UST: variants seen among roughly 807,000 people sequenced by gnomAD.
UST encodes uronyl 2-sulfotransferase.
A neutral mutation model predicts 45.6 loss-of-function variants in UST; 21 were observed. That is an observed-to-expected ratio of 0.46 (90% CI 0.33 to 0.66). UST has a LOEUF of 0.66. UST is among the 30% of genes least tolerant of loss of function. UST has a pLI of 0.02. For synonymous variants in UST, 215 were observed against 200.6 expected, an observed-to-expected ratio of 1.07 and a Z score of -0.61; for missense variants, 463 against 512.4, an observed-to-expected ratio of 0.90 and a Z score of 0.93.
At chr6:149,031,645 T>C (rs1776145227) in intron 7 of UST, among the ~76,000 whole-genome samples, 1 of 152,240 alleles carries the variant, frequency 6.6e-6, no homozygotes, top group African/African-American at 2.4e-5. Flanking sequence ...TTCACAGACA[T>C]TGATGTTCTA....
intron 3 of UST, among the ~76,000 whole-genome samples, chr6:148,943,258 A>C (rs1219881956): frequency 1.3e-5 from 2 of 152,238 alleles, no homozygotes; most frequent in Admixed American, 6.5e-5. Flanking sequence ...TGCCTCATAA[A>C]ACACAGTTGC....
In UST at chr6:149,057,878, G is replaced by A. The variant is rs768237002; in HGVS notation, c.938-15955G>A. ...AGTAATAACTGTGGCTTGATTAAAAGTTATTTTATATTCTTGTTTTCCTAA... is the reference window on the plus strand; with the variant it reads ...AGTAATAACTGTGGCTTGATTAAAAATTATTTTATATTCTTGTTTTCCTAA... On this transcript the variant is annotated intron_variant, in intron 7 of 7. Coordinates refer to ENST00000367463, the MANE Select transcript of UST (RefSeq NM_005715.3). Among the ~76,000 whole-genome samples, 5 of 152,200 alleles carry A rather than the reference G, an allele frequency of 3.3e-5. No homozygotes were observed. The East Asian group carries it at 9.6e-4, about 29-fold the overall frequency.
At chr6:148,779,743 G>A (rs556923629) in intron 1 of UST, among the ~76,000 whole-genome samples, 4 of 152,276 alleles carry the variant, frequency 2.6e-5, no homozygotes, top group South Asian at 4.2e-4. Context: ...TAAGTTTACA[G>A]AATAGTGAAT....
rs56681446 is a variant in UST at position 149,011,295 on chromosome 6, T to C, written c.682-7844T>C. On this transcript the variant is annotated intron_variant, in intron 5 of 7. Transcript: ENST00000367463. The stretch of plus-strand genomic sequence containing the variant: ...GAACTCATGGAGATAGAGTAGAAGA[T>C]TGGTTGCCAGAGACTGGAAAGGGTA... 0.011 allele frequency among the ~76,000 whole-genome samples: 1,633 copies of C among 152,064 alleles called. 83 individuals carry two copies. In the East Asian group the frequency reaches 0.13, roughly 12 times the overall value.
At chr6:148,802,371 G>A (rs1777071021) in intron 1 of UST, among the ~76,000 whole-genome samples, 2 of 152,156 alleles carry the variant, frequency 1.3e-5, no homozygotes. Context: ...CCATATTTTT[G>A]AAATTATCTT....
intron 2 of UST, among the ~76,000 whole-genome samples, chr6:148,906,295 A>C (rs891639909): frequency 3.3e-5 from 5 of 152,150 alleles, no homozygotes; most frequent in Non-Finnish European, 7.3e-5. Flanking sequence ...TATACCAGTG[A>C]AGTGGTATGT....
At chr6:149,071,592 G>C (rs927923667) in intron 7 of UST, among the ~76,000 whole-genome samples, 6 of 151,922 alleles carry the variant, frequency 3.9e-5, no homozygotes, top group Middle Eastern at 3.4e-3. Flanking sequence ...GACACCAAAA[G>C]TCAGGCAATA....
At chr6:148,933,188 T>C (rs1779955292) in intron 2 of UST, among the ~76,000 whole-genome samples, 1 of 152,228 alleles carries the variant, frequency 6.6e-6, no homozygotes, top group Non-Finnish European at 1.5e-5. Context: ...GATTTTCTTA[T>C]AGTTTTAAGA....
intron 1 of UST, among the ~76,000 whole-genome samples, chr6:148,853,443 A>C (rs1778144933): frequency 2.0e-5 from 3 of 152,188 alleles, no homozygotes; most frequent in African/African-American, 7.2e-5. Context: ...TATCTTTATA[A>C]TAGAATGACT....
chr6:148,931,217 T>C (rs1489838868), intron 2 of UST, among the ~76,000 whole-genome samples: 2 of 152,262 alleles, frequency 1.3e-5, no homozygotes, highest in Non-Finnish European at 2.9e-5. Flanking sequence ...TTCTCCTCTA[T>C]TTGTATAATA....
intron 1 of UST, among the ~76,000 whole-genome samples, chr6:148,779,536 CTG>C (rs1776598842): frequency 6.6e-6 from 1 of 152,196 alleles, no homozygotes; most frequent in Admixed American, 6.5e-5. Flanking sequence ...GGTCCTGCCT[CTG>C]TTGCTCCCAC....
intron 2 of UST, among the ~76,000 whole-genome samples, chr6:148,899,783 C>T (rs1779212387): frequency 6.6e-6 from 1 of 152,214 alleles, no homozygotes; most frequent in South Asian, 2.1e-4. Context: ...TTAGTATTAA[C>T]TTCATATCCC....
At chr6:148,852,754 G>A (rs1000552367) in intron 1 of UST, among the ~76,000 whole-genome samples, 1 of 151,948 alleles carries the variant, frequency 6.6e-6, no homozygotes, top group African/African-American at 2.4e-5. Context: ...ATCCTTTGCT[G>A]ACCGCCCTGA....
At chr6:148,825,400 G>A (rs1388233831) in intron 1 of UST, among the ~76,000 whole-genome samples, 1 of 152,104 alleles carries the variant, frequency 6.6e-6, no homozygotes, top group Admixed American at 6.6e-5. Context: ...TAAACAGTGG[G>A]TGCCTACTTA....
intron 1 of UST, among the ~76,000 whole-genome samples, chr6:148,795,994 A>G (rs959340838): frequency 2.6e-5 from 4 of 152,184 alleles, no homozygotes; most frequent in African/African-American, 9.7e-5. Context: ...TTTAGGCCTA[A>G]AGTAACTGTG....
chr6:148,955,085 C>CGGG (rs1780458480), intron 4 of UST, among the ~76,000 whole-genome samples: 1 of 152,240 alleles, frequency 6.6e-6, no homozygotes, highest in Non-Finnish European at 1.5e-5. Context: ...CCTCCCTTGT[C>CGGG]AGCCCTCTGA....
At chr6:148,878,855 T>G (rs1343794622) in intron 1 of UST, among the ~76,000 whole-genome samples, 1 of 151,488 alleles carries the variant, frequency 6.6e-6, no homozygotes, top group Admixed American at 6.6e-5. Flanking sequence ...TATGTGTGAG[T>G]GTGGGGATCA....
chr6:148,909,562 A>G (rs1244870259), intron 2 of UST, among the ~76,000 whole-genome samples: 1 of 152,102 alleles, frequency 6.6e-6, no homozygotes, highest in African/African-American at 2.4e-5. Context: ...GTTTTTGTTT[A>G]GTTTTTGTTT....
At chr6:148,770,997 T>C (rs540524171) in intron 1 of UST, among the ~76,000 whole-genome samples, 65 of 152,336 alleles carry the variant, frequency 4.3e-4, no homozygotes, top group African/African-American at 1.5e-3. Context: ...CCTGCAGGTA[T>C]TGATTTAGTA....
Sources: allele counts gnomAD v4.1 joint callset (sites outside exome capture counted in the v4.1 genomes callset), GRCh38; gene constraint gnomAD v4.1.1; transcripts MANE v1.5; gene names NCBI Gene and HGNC (gene_info 2026-07-23, HGNC 2026-07-21).